Variants in FSTL5 observed in about 807,000 individuals in gnomAD.
The protein encoded by FSTL5 is follistatin like 5, also known as follistatin-related protein 5.
A neutral mutation model predicts 89.1 loss-of-function variants in FSTL5; 62 were observed. The ratio of observed to expected loss-of-function variants is 0.70; its 90% confidence interval spans 0.57 to 0.86. The LOEUF is 0.86. FSTL5 is among the 40% of genes least tolerant of loss of function. The probability of loss-of-function intolerance (pLI) is 0.00; values close to 1 mark genes in which losing one functional copy is unlikely to be tolerated. For synonymous variants in FSTL5, 383 were observed against 346.2 expected (o/e 1.11, Z -1.18); for missense variants, 1,057 against 1,001.6 (o/e 1.06, Z -0.75).
At chr4:161,837,824 T>C (rs977379366) in intron 4 of FSTL5, among the ~76,000 whole-genome samples, 4 of 152,168 alleles carry the variant, frequency 2.6e-5, no homozygotes, top group Non-Finnish European at 5.9e-5. Flanking sequence ...ATTATGCATT[T>C]AATACCCTTT....
intron 4 of FSTL5, among the ~76,000 whole-genome samples, chr4:161,865,222 ACAAT>A (rs1281851397): frequency 6.6e-6 from 1 of 152,180 alleles, no homozygotes; most frequent in South Asian, 2.1e-4. Flanking sequence ...ATCGCAGAAA[ACAAT>A]CAGAGACTGT....
At chr4:161,450,741 A>ATTT (rs70937651) in intron 15 of FSTL5, among the ~76,000 whole-genome samples, 6 of 131,576 alleles carry the variant, frequency 4.6e-5, no homozygotes, top group African/African-American at 8.6e-5. Context: ...ATTCATCTTC[A>ATTT]TTTTTTTTTT....
chr4:161,484,027 A>C (rs1729600099), intron 12 of FSTL5, among the ~76,000 whole-genome samples: 1 of 152,146 alleles, frequency 6.6e-6, no homozygotes, highest in Non-Finnish European at 1.5e-5. Flanking sequence ...CAAAATGTTA[A>C]GGAGTACAAG....
intron 8 of FSTL5, among the ~76,000 whole-genome samples, chr4:161,546,250 A>G (rs1210021918): frequency 6.7e-6 from 1 of 149,290 alleles, no homozygotes; most frequent in Admixed American, 6.8e-5. Flanking sequence ...TGAATATAGA[A>G]TAGATTAAGA....
intron 1 of FSTL5, among the ~76,000 whole-genome samples, chr4:162,154,574 G>A (rs536118258): frequency 2.0e-5 from 3 of 152,206 alleles, no homozygotes; most frequent in African/African-American, 7.2e-5. Context: ...CATGCAATAA[G>A]TTCATAATAA....
chr4:161,715,484 C>A (rs1259111977), intron 6 of FSTL5, among the ~76,000 whole-genome samples: 1 of 152,070 alleles, frequency 6.6e-6, no homozygotes, highest in Non-Finnish European at 1.5e-5. Flanking sequence ...TTTTCATCTT[C>A]CTGACTTTTA....
At chr4:161,895,952 GA>G (rs2110772092) in intron 4 of FSTL5, among the ~76,000 whole-genome samples, 1 of 152,242 alleles carries the variant, frequency 6.6e-6, no homozygotes, top group Non-Finnish European at 1.5e-5. Context: ...TTTTCAATTA[GA>G]AATCTGATGA....
chr4:162,110,928 ATCT>A (rs1731410382), intron 2 of FSTL5, among the ~76,000 whole-genome samples: 1 of 152,120 alleles, frequency 6.6e-6, no homozygotes, highest in African/African-American at 2.4e-5. Context: ...TTAGTTTAAA[ATCT>A]TCTAAAATCA....
chr4:161,973,430 A>C (rs1735541361), intron 3 of FSTL5, among the ~76,000 whole-genome samples: 2 of 152,336 alleles, frequency 1.3e-5, no homozygotes, highest in Admixed American at 6.5e-5. Context: ...GGAATACTTA[A>C]GTATTTCAAA....
At chr4:161,867,217 T>C (rs1732119796) in intron 4 of FSTL5, among the ~76,000 whole-genome samples, 1 of 152,038 alleles carries the variant, frequency 6.6e-6, no homozygotes, top group Admixed American at 6.6e-5. Context: ...ATTATTATAT[T>C]TGCATGTTTA....
intron 15 of FSTL5, among the ~76,000 whole-genome samples, chr4:161,427,564 T>A (rs1307961022): frequency 1.3e-5 from 2 of 152,246 alleles, no homozygotes; most frequent in Middle Eastern, 3.4e-3. Context: ...TAACTCAGGG[T>A]CAGACCAGCA....
intron 11 of FSTL5, among the ~76,000 whole-genome samples, chr4:161,506,416 A>G (rs957478740): frequency 6.6e-6 from 1 of 152,022 alleles, no homozygotes; most frequent in Admixed American, 6.6e-5. Context: ...TTGAAGTAGT[A>G]ATTTTTTTAA....
intron 8 of FSTL5, among the ~76,000 whole-genome samples, chr4:161,575,105 T>C (rs1395850107): frequency 6.6e-6 from 1 of 152,202 alleles, no homozygotes; most frequent in Non-Finnish European, 1.5e-5. Flanking sequence ...CCAGTGATGA[T>C]GAAATTTTTT....
At chr4:162,106,514 A>G (rs939750470) in intron 2 of FSTL5, among the ~76,000 whole-genome samples, 1 of 152,206 alleles carries the variant, frequency 6.6e-6, no homozygotes, top group African/African-American at 2.4e-5. Context: ...ATGCTGAACT[A>G]TTAATACATA....
At chr4:161,550,621 T>G (rs960771272) in intron 8 of FSTL5, among the ~76,000 whole-genome samples, 1 of 151,566 alleles carries the variant, frequency 6.6e-6, no homozygotes, top group Non-Finnish European at 1.5e-5. Flanking sequence ...TTAGGGTACA[T>G]GAGCACATTG....
At chr4:161,640,798 C>T (rs534069014) in intron 7 of FSTL5, among the ~76,000 whole-genome samples, 1 of 152,254 alleles carries the variant, frequency 6.6e-6, no homozygotes, top group South Asian at 2.1e-4. Flanking sequence ...ATCTTAACAT[C>T]CAAGAGTCTC....
intron 1 of FSTL5, among the ~76,000 whole-genome samples, chr4:162,154,457 G>A (rs1733388295): frequency 6.6e-6 from 1 of 152,130 alleles, no homozygotes; most frequent in East Asian, 1.9e-4. Context: ...AATAGCAAGT[G>A]TAAAATATCA....
intron 8 of FSTL5, among the ~76,000 whole-genome samples, chr4:161,547,091 T>G (rs1303299996): frequency 6.6e-6 from 1 of 152,058 alleles, no homozygotes; most frequent in Non-Finnish European, 1.5e-5. Context: ...TGGGGATGCT[T>G]ATATGCCAAG....
chr4:161,803,199 C>G (rs918126450), intron 4 of FSTL5, among the ~76,000 whole-genome samples: 1 of 151,874 alleles, frequency 6.6e-6, no homozygotes, highest in African/African-American at 2.4e-5. Flanking sequence ...GGGTAAAATT[C>G]ATTCTCTAGC....
Sources: allele counts gnomAD v4.1 joint callset (sites outside exome capture counted in the v4.1 genomes callset), GRCh38; gene constraint gnomAD v4.1.1; transcripts MANE v1.5; gene names NCBI Gene and HGNC (gene_info 2026-07-23, HGNC 2026-07-21).